USP31: variants seen among roughly 807,000 people sequenced by gnomAD.
The protein encoded by USP31 is ubiquitin specific peptidase 31, also known as ubiquitin carboxyl-terminal hydrolase 31.
Under a neutral mutation model 119.4 loss-of-function variants are expected in USP31, and 44 were observed. The observed-to-expected ratio is 0.37, with a 90% CI of 0.29 to 0.47. The LOEUF is 0.47. Among genes scored for constraint, USP31 ranks in the 20% least tolerant of loss-of-function variants. USP31 has a pLI of 0.99. For synonymous variants in USP31, 749 were observed against 705.6 expected (o/e 1.06, Z -0.97); for missense variants, 1,643 against 1,730.2 (o/e 0.95, Z 0.89).
chr16:23,072,407 C>G, intron 14 of USP31: 1 of 643,958 alleles, frequency 1.6e-6, no homozygotes, highest in Non-Finnish European at 2.7e-6. Flanking sequence ...GACTTCCTGA[C>G]GCATGAAATT....
At chr16:23,072,256 C>T in intron 14 of USP31, 59 bp from the exon 15 acceptor site, 1 of 1,557,618 alleles carries the variant, frequency 6.4e-7, no homozygotes, top group South Asian at 1.2e-5. Context: ...AGCCCTGAGC[C>T]ACACACACCC....
At position 23,069,240 on chromosome 16, in the gene USP31, G is replaced by C; in HGVS notation, c.2865C>G (p.Thr955=). ...MEGVFKDESD[T]RRLNSSVVDT... is the part of the protein sequence containing the mutation. ...CTACGACACTGGAGTTCAATCTGCGGGTGTCCGATTCGTCTTTGAACACGC... is the reference window on the plus strand; with the variant it reads ...CTACGACACTGGAGTTCAATCTGCGCGTGTCCGATTCGTCTTTGAACACGC... Residue 955 remains threonine (T), a synonymous_variant, in exon 16 of 16, where the codon ACC becomes ACG. Coordinates refer to ENST00000219689, the MANE Select transcript of USP31 (RefSeq NM_020718.4). 1 of 1,614,190 alleles carries C rather than the reference G, an allele frequency of 6.2e-7. No individual in the cohort carries two copies. The highest frequency in any genetic ancestry group is 8.5e-7 in the Non-Finnish European group (1 of 1,180,034).
intron 1 of USP31, among the ~76,000 whole-genome samples, chr16:23,120,834 T>C (rs1902642862): frequency 1.3e-5 from 2 of 152,034 alleles, no homozygotes; most frequent in Admixed American, 6.6e-5. Flanking sequence ...CAGAATAAGG[T>C]GGGAAAGGCA....
intron 1 of USP31, among the ~76,000 whole-genome samples, 193 bp downstream of exon 1, chr16:23,148,445 G>A (rs184860548): frequency 1.3e-5 from 2 of 151,732 alleles, no homozygotes; most frequent in African/African-American, 4.9e-5. Context: ...ATACATGTTT[G>A]AGTGAGTGAG....
At chr16:23,105,021 C>G (rs914335402) in intron 5 of USP31, among the ~76,000 whole-genome samples, 5 of 152,190 alleles carry the variant, frequency 3.3e-5, no homozygotes, top group African/African-American at 1.2e-4. Flanking sequence ...GAACATTGTA[C>G]TAGCAAGATA....
intron 1 of USP31, among the ~76,000 whole-genome samples, chr16:23,109,841 C>CA (rs60568760): frequency 0.18 from 19,452 of 110,064 alleles, 2,014 homozygotes; most frequent in Admixed American, 0.27. Flanking sequence ...GACATTCTAC[C>CA]AAAAAAAAAA....
At chr16:23,105,325 A>G (rs1409421107) in intron 5 of USP31, 116 bp downstream of exon 5, 3 of 1,289,560 alleles carry the variant, frequency 2.3e-6, no homozygotes, top group Non-Finnish European at 3.0e-6. Flanking sequence ...CTCTAAATGC[A>G]ACTGGTTTTA....
chr16:23,068,667 C>T lies in USP31; in HGVS notation c.3438G>A (p.Lys1146=), dbSNP rs992222232. ...TCAAGCTGTGGTCTGAAGTCCTGCTCTTCCCAGGTGGGAAAGGGCTCCTTG... is the reference window on the plus strand; with the variant it reads ...TCAAGCTGTGGTCTGAAGTCCTGCTTTTCCCAGGTGGGAAAGGGCTCCTTG... ...PATRSPFPPG[K]SRTSDHSLSR... is the part of the protein sequence containing the mutation. Residue 1146 remains lysine, a synonymous_variant, in exon 16 of 16, where the codon AAG becomes AAA. Coordinates refer to ENST00000219689, the MANE Select transcript of USP31 (RefSeq NM_020718.4). 1.2e-6 allele frequency: 2 copies of T among 1,614,244 alleles called. No homozygotes were observed. The highest frequency in any genetic ancestry group is 1.7e-5 in the Admixed American group (1 of 60,030).
At chr16:23,143,669 T>TG (rs1903421191) in intron 1 of USP31, among the ~76,000 whole-genome samples, 1 of 151,980 alleles carries the variant, frequency 6.6e-6, no homozygotes, top group South Asian at 2.1e-4. Flanking sequence ...AAAGGAAACT[T>TG]GCGCTGAGTC....
chr16:23,076,344 C>A (rs187444317), intron 13 of USP31, among the ~76,000 whole-genome samples: 20 of 150,578 alleles, frequency 1.3e-4, no homozygotes, highest in Middle Eastern at 3.4e-3. Context: ...TTCAACAATG[C>A]GAAGAATATT....
In USP31 at chr16:23,088,499, T is replaced by C. The variant is rs573980897; in HGVS notation, c.1416-664A>G. On this transcript the variant is annotated intron_variant, in intron 7 of 15. Coordinates refer to ENST00000219689, the MANE Select transcript of USP31 (RefSeq NM_020718.4). ...GGGTGGTTCTAATATGCAGCCAATG[T>C]TGAGGACCACTATCCTAGCCTCAAC... 3.3e-5 allele frequency among the ~76,000 whole-genome samples: 5 copies of C among 152,316 alleles called. No individual in the cohort carries two copies. The South Asian group carries it at 1.0e-3, about 32-fold the overall frequency.
chr16:23,118,431 C>G (rs1485479097), intron 1 of USP31, among the ~76,000 whole-genome samples: 2 of 152,116 alleles, frequency 1.3e-5, no homozygotes, highest in Admixed American at 6.5e-5. Flanking sequence ...CTGGCAGCAG[C>G]CCACTGCTAA....
In USP31 at chr16:23,139,801, C is replaced by A. The variant is rs868787265; in HGVS notation, c.633+8837G>T. ...CATATATTCAAATTAAATGCACAAT[C>A]TTTCTGCTCCTCATGCTCCACAAAC... On this transcript the variant is annotated intron_variant, in intron 1 of 15. Transcript: ENST00000219689. Among the ~76,000 whole-genome samples the A allele has an allele frequency of 2.6e-5, 4 of 152,348 alleles. No individual in the cohort carries two copies. The Middle Eastern group carries it at 0.01, about 389-fold the overall frequency.
At chr16:23,147,546 C>G (rs12921755) in intron 1 of USP31, among the ~76,000 whole-genome samples, 34,476 of 152,196 alleles carry the variant, frequency 0.23, 4,731 homozygotes, top group Admixed American at 0.31. Context: ...ACCATCCGGT[C>G]CCAGCCCACC....
rs1216224531 is a variant in USP31 at position 23,069,472 on chromosome 16, T to C, written c.2633A>G (p.Asn878Ser). ...SLSAKLQMRS[N>S]SPSRFSGDSP... ...ATCCCCTGAAAATCGGGATGGAGAA[T>C]TGGAGCGCATCTGCAGCTTAGCAGA... Residue 878 changes from asparagine to serine, a missense_variant, in exon 16 of 16, where the codon AAT becomes AGT. This residue lies in a region of USP31 where 699 missense variants were observed against 650.9 expected (regional missense o/e 1.07). Coordinates refer to ENST00000219689, the MANE Select transcript of USP31 (RefSeq NM_020718.4). 1.5e-5 allele frequency: 24 copies of C among 1,614,044 alleles called. No homozygotes were observed. The highest frequency in any genetic ancestry group is 1.9e-5 in the Non-Finnish European group (23 of 1,180,036).
chr16:23,149,353 C>G lies in USP31; in HGVS notation c.-83G>C, dbSNP rs1903650997. On this transcript the variant is annotated 5_prime_UTR_variant, in exon 1 of 16. Coordinates refer to ENST00000219689, the MANE Select transcript of USP31 (RefSeq NM_020718.4). ...CGGCCGCCGCCGCATCCCGCAGCGC[C>G]GCGCCTCACCGGGCCCGGGGGCTCG... 9 of 994,742 alleles carry G rather than the reference C, an allele frequency of 9.0e-6. No homozygotes were observed. Among genetic ancestry groups the G allele is most frequent in the African/African-American group, 1.8e-5 (1 of 56,838 alleles). 61.6% of individuals were successfully genotyped at this position (994,742 alleles called of 1,614,324 possible).
At chr16:23,092,386 T>C (rs1901403623) in intron 6 of USP31, among the ~76,000 whole-genome samples, 1 of 152,158 alleles carries the variant, frequency 6.6e-6, no homozygotes, top group Non-Finnish European at 1.5e-5. Flanking sequence ...AAGAACTATA[T>C]TGCACTGCTG....
At chr16:23,135,070 CA>C (rs1388485691) in intron 1 of USP31, among the ~76,000 whole-genome samples, 6 of 148,592 alleles carry the variant, frequency 4.0e-5, no homozygotes, top group South Asian at 4.3e-4. Context: ...GAGAAAAAAG[CA>C]AACCATGATC....
At chr16:23,132,874 C>T (rs770360909) in intron 1 of USP31, among the ~76,000 whole-genome samples, 4 of 152,126 alleles carry the variant, frequency 2.6e-5, no homozygotes, top group Non-Finnish European at 4.4e-5. Flanking sequence ...AAAACCTCTA[C>T]GTTATTTTCA....
Sources: allele counts gnomAD v4.1 joint callset (sites outside exome capture counted in the v4.1 genomes callset), GRCh38; gene constraint gnomAD v4.1.1; regional missense constraint gnomAD v4.1.1; transcripts MANE v1.5; gene names NCBI Gene and HGNC (gene_info 2026-07-23, HGNC 2026-07-21).